ZDHHC14: variants seen among roughly 807,000 people sequenced by gnomAD.
The protein encoded by ZDHHC14 is palmitoyltransferase ZDHHC14.
In ZDHHC14, 16 loss-of-function variants were observed where a neutral mutation model predicts 47.7. The ratio of observed to expected loss-of-function variants is 0.34; its 90% CI spans 0.23 to 0.51. The LOEUF is 0.51. Ranked by LOEUF, ZDHHC14 falls within the 20% of genes least tolerant of loss-of-function variation. ZDHHC14 has a pLI of 0.97. For synonymous variants in ZDHHC14, 293 were observed against 278.9 expected, an observed-to-expected ratio of 1.05 and a Z score of -0.50; for missense variants, 515 against 662.5, an observed-to-expected ratio of 0.78 and a Z score of 2.44.
At chr6:157,484,133 G>A (rs997476965) in intron 1 of ZDHHC14, among the ~76,000 whole-genome samples, 77 of 151,630 alleles carry the variant, frequency 5.1e-4, no homozygotes, top group African/African-American at 1.8e-3. Flanking sequence ...TAGACACTGG[G>A]GCCTTCTTGA....
At chr6:157,669,804 G>A (rs1778712252) in intron 8 of ZDHHC14, among the ~76,000 whole-genome samples, 2 of 152,246 alleles carry the variant, frequency 1.3e-5, no homozygotes, top group Admixed American at 1.3e-4. Flanking sequence ...TCTCTGAAGC[G>A]GCAGCTCCGC....
chr6:157,662,541 G>C (rs949763311), intron 8 of ZDHHC14, among the ~76,000 whole-genome samples: 1 of 152,246 alleles, frequency 6.6e-6, no homozygotes, highest in Non-Finnish European at 1.5e-5. Flanking sequence ...ACAGGGGCTC[G>C]CACACAGGAG....
At chr6:157,407,199 C>T (rs903617804) in intron 1 of ZDHHC14, among the ~76,000 whole-genome samples, 1 of 152,162 alleles carries the variant, frequency 6.6e-6, no homozygotes, top group South Asian at 2.1e-4. Context: ...AACTGAGATA[C>T]GGACTTGGGC....
At chr6:157,657,660 C>A (rs1236972806) in intron 8 of ZDHHC14, among the ~76,000 whole-genome samples, 3 of 152,192 alleles carry the variant, frequency 2.0e-5, no homozygotes, top group Non-Finnish European at 4.4e-5. Flanking sequence ...TGTAAGAAAT[C>A]TCAACATCCT....
At chr6:157,449,478 A>G (rs1267135596) in intron 1 of ZDHHC14, among the ~76,000 whole-genome samples, 1 of 152,212 alleles carries the variant, frequency 6.6e-6, no homozygotes, top group Admixed American at 6.5e-5. Context: ...GGAAAACGTC[A>G]TCACAGTTAT....
chr6:157,658,181 G>A (rs1000604450), intron 8 of ZDHHC14, among the ~76,000 whole-genome samples: 4 of 152,118 alleles, frequency 2.6e-5, no homozygotes, highest in Admixed American at 1.3e-4. Flanking sequence ...TGGCATGAGG[G>A]AAAGAGCCCA....
At chr6:157,666,600 G>A (rs533539461) in intron 8 of ZDHHC14, among the ~76,000 whole-genome samples, 4 of 152,126 alleles carry the variant, frequency 2.6e-5, no homozygotes, top group African/African-American at 7.2e-5. Flanking sequence ...TACATGATGC[G>A]TAACTCTAAT....
At chr6:157,604,942 C>T (rs1304248892) in intron 3 of ZDHHC14, among the ~76,000 whole-genome samples, 1 of 152,196 alleles carries the variant, frequency 6.6e-6, no homozygotes, top group African/African-American at 2.4e-5. Context: ...GTTAGGGAAG[C>T]AGAAGATGAA....
At chr6:157,490,408 A>C (rs1779885540) in intron 1 of ZDHHC14, among the ~76,000 whole-genome samples, 1 of 152,250 alleles carries the variant, frequency 6.6e-6, no homozygotes, top group Non-Finnish European at 1.5e-5. Flanking sequence ...CCACCGGGTC[A>C]GCAGGCAATG....
intron 3 of ZDHHC14, among the ~76,000 whole-genome samples, chr6:157,617,250 T>C (rs893027291): frequency 2.6e-5 from 4 of 152,234 alleles, no homozygotes; most frequent in African/African-American, 9.6e-5. Flanking sequence ...TGCATTTCTT[T>C]GCTTGAGGGT....
chr6:157,391,638 C>T (rs1777421025), intron 1 of ZDHHC14, among the ~76,000 whole-genome samples: 1 of 152,198 alleles, frequency 6.6e-6, no homozygotes, highest in Non-Finnish European at 1.5e-5. Flanking sequence ...TTGATTTCTC[C>T]TCACTCCTGT....
At chr6:157,596,615 G>A (rs1784143593) in intron 3 of ZDHHC14, among the ~76,000 whole-genome samples, 1 of 152,176 alleles carries the variant, frequency 6.6e-6, no homozygotes, top group Non-Finnish European at 1.5e-5. Flanking sequence ...AGAACACACA[G>A]GCCAGGGCTG....
In ZDHHC14 at chr6:157,542,591, G is replaced by C. The variant is rs1055567403; in HGVS notation, c.252G>C (p.Pro84=). 6.2e-7 allele frequency: 1 copy of C among 1,613,760 alleles called. No individual in the cohort carries two copies. Among genetic ancestry groups the C allele is most frequent in the Non-Finnish European group, 8.5e-7 (1 of 1,179,940 alleles). The change falls in exon 2 of 9, where the codon CCG becomes CCC. Residue 84 remains proline (P), a synonymous_variant. Transcript: ENST00000359775. ...TSGLFFAFDC[P]YLAVKITPAI... ...CTGTCCAACCTGTCGGCAGCTGTCCGTACCTGGCGGTGAAAATCACCCCTG... is the reference window on the plus strand; with the variant it reads ...CTGTCCAACCTGTCGGCAGCTGTCCCTACCTGGCGGTGAAAATCACCCCTG...
rs1778943258 is a variant in ZDHHC14, at chr6:157,674,799, C to T, written c.*1677C>T. The T allele has an allele frequency of 6.6e-6, 1 of 152,218 alleles. No individual in the cohort carries two copies. The highest frequency in any genetic ancestry group is 1.5e-5 in the Non-Finnish European group (1 of 68,036). 9.4% of individuals were successfully genotyped at this position (152,218 alleles called of 1,614,324 possible). A position where few individuals can be genotyped will look rare whatever the true frequency, so the allele number is the denominator to read the frequency against. On this transcript the variant is annotated 3_prime_UTR_variant, in exon 9 of 9. Coordinates refer to ENST00000359775, the MANE Select transcript of ZDHHC14 (RefSeq NM_024630.3). The stretch of plus-strand genomic sequence containing the variant: ...CACAAAATAATTCATGCTGAAAGGG[C>T]CTGCAGAGTTCTTGCACTGTGATGT...
intron 1 of ZDHHC14, among the ~76,000 whole-genome samples, chr6:157,416,563 G>A (rs964409415): frequency 6.0e-5 from 9 of 151,178 alleles, no homozygotes; most frequent in Admixed American, 2.0e-4. Flanking sequence ...CAGCTGCTCC[G>A]GAGGCTGAGG....
chr6:157,611,518 G>A lies in ZDHHC14; in HGVS notation c.566-16831G>A, dbSNP rs143212767. Among the ~76,000 whole-genome samples the A allele has an allele frequency of 3.9e-5, 6 of 152,172 alleles. No homozygotes were observed. In the East Asian group the frequency reaches 5.8e-4, roughly 15 times the overall value. On this transcript the variant is annotated intron_variant, in intron 3 of 8. Coordinates refer to ENST00000359775, the MANE Select transcript of ZDHHC14 (RefSeq NM_024630.3). Reference sequence around the variant, plus strand: ...AACAACAGAATTTCTGGGGCCTCCCGGGCACATTTTCATCCTGTTCTGGCT... The same window carrying A: ...AACAACAGAATTTCTGGGGCCTCCCAGGCACATTTTCATCCTGTTCTGGCT...
chr6:157,579,258 C>T (rs140326485), intron 2 of ZDHHC14, among the ~76,000 whole-genome samples: 18,102 of 125,754 alleles, frequency 0.14, 1,197 homozygotes, highest in Middle Eastern at 0.33. Context: ...AGTGCAGTGG[C>T]GCGATCTCGG....
chr6:157,527,537 C>G (rs915911379), intron 1 of ZDHHC14, among the ~76,000 whole-genome samples: 2 of 152,190 alleles, frequency 1.3e-5, no homozygotes, highest in East Asian at 3.9e-4. Flanking sequence ...AAAACCTCAA[C>G]TGATGGAAAC....
intron 8 of ZDHHC14, among the ~76,000 whole-genome samples, chr6:157,655,118 T>C (rs571022416): frequency 3.9e-4 from 60 of 152,294 alleles, no homozygotes; most frequent in Admixed American, 7.2e-4. Context: ...GCTTGTTTGG[T>C]CATAACTCAT....
Sources: gnomAD v4.1 joint callset for allele counts (sites outside exome capture counted in the v4.1 genomes callset) on GRCh38, gnomAD v4.1.1 for gene constraint, MANE v1.5 for transcripts, NCBI Gene and HGNC (gene_info 2026-07-23, HGNC 2026-07-21) for gene names.